The following HERC1 variants were observed in gnomAD, a reference collection of about 807,000 sequenced individuals.
HERC1 encodes the protein HECT and RLD domain containing E3 ubiquitin protein ligase family member 1.
HERC1 carries 160 observed loss-of-function variants against 554.3 expected under a neutral mutation model. The ratio of observed to expected loss-of-function variants is 0.29; its 90% CI spans 0.25 to 0.33. The LOEUF (loss-of-function observed/expected upper bound fraction) is 0.33. Among genes scored for constraint, HERC1 ranks in the 10% least tolerant of loss-of-function variants. The pLI, the probability that HERC1 is intolerant of heterozygous loss-of-function variation, is 1.00. For missense variants in HERC1, 4,919 were observed against 5,918.5 expected, an observed-to-expected ratio of 0.83 and a Z score of 5.54; for synonymous variants, 2,175 against 2,131.7, an observed-to-expected ratio of 1.02 and a Z score of -0.56.
chr15:63,793,269 G>A (rs978670860), intron 1 of HERC1, among the ~76,000 whole-genome samples: 1 of 152,154 alleles, frequency 6.6e-6, no homozygotes, highest in Non-Finnish European at 1.5e-5. Flanking sequence ...GACACAGGTC[G>A]TAAAGACCAC....
At chr15:63,668,060 T>C (rs1185301609) in intron 40 of HERC1, among the ~76,000 whole-genome samples, 4 of 152,070 alleles carry the variant, frequency 2.6e-5, no homozygotes, top group African/African-American at 9.7e-5. Flanking sequence ...GTATAGCTAA[T>C]AAGCCAACAA....
intron 67 of HERC1, 30 bp downstream of exon 67, chr15:63,633,818 C>A: frequency 6.2e-7 from 1 of 1,604,866 alleles, no homozygotes; most frequent in South Asian, 1.1e-5. Flanking sequence ...TTTATGTTGT[C>A]TGAAAACCTA....
intron 14 of HERC1, among the ~76,000 whole-genome samples, chr15:63,729,938 T>A (rs934679216): frequency 2.7e-5 from 4 of 148,110 alleles, no homozygotes; most frequent in African/African-American, 7.5e-5. Context: ...GGCAGGAGAA[T>A]TGCTTGAACC....
intron 2 of HERC1, among the ~76,000 whole-genome samples, chr15:63,772,724 C>T (rs1384999644): frequency 2.6e-5 from 4 of 152,122 alleles, no homozygotes; most frequent in Admixed American, 1.3e-4. Context: ...CTAATTATTA[C>T]ATCATTGCAT....
Position 63,740,103 on chromosome 15 carries a change from G to A in HERC1, c.2521-5254C>T, listed in dbSNP as rs202145791. Among the ~76,000 whole-genome samples, 6 of 152,056 alleles carry A rather than the reference G, an allele frequency of 3.9e-5. No homozygotes were observed. The East Asian group carries it at 1.2e-3, about 29-fold the overall frequency. On this transcript the variant is annotated intron_variant, in intron 12 of 77. Coordinates refer to ENST00000443617, the MANE Select transcript of HERC1 (RefSeq NM_003922.4). ...TTTTTGTATTTTTAGTAGAGACAGGGTTTCACCATTTGGCCAGGCTGGTCT... is the reference window on the plus strand; with the variant it reads ...TTTTTGTATTTTTAGTAGAGACAGGATTTCACCATTTGGCCAGGCTGGTCT...
intron 22 of HERC1, among the ~76,000 whole-genome samples, chr15:63,714,070 C>T (rs2073428655): frequency 6.6e-6 from 1 of 152,108 alleles, no homozygotes; most frequent in Non-Finnish European, 1.5e-5. Context: ...ACCCAGCAAT[C>T]TGTGTTTTAA....
chr15:63,658,777 A>C (rs917570761), intron 47 of HERC1, 59 bp from the exon 48 acceptor site: 1 of 1,351,694 alleles, frequency 7.4e-7, no homozygotes. Context: ...CATCTGAACT[A>C]CTAAAAACAT....
At chr15:63,665,896 A>C (rs758971797) in intron 42 of HERC1, 23 bp downstream of exon 42, 2 of 1,572,824 alleles carry the variant, frequency 1.3e-6, no homozygotes, top group South Asian at 2.2e-5. Flanking sequence ...CATGGAACAA[A>C]AGTACAGAAA....
In HERC1 at chr15:63,643,526, C is replaced by T; in HGVS notation, c.11209G>A (p.Ala3737Thr). The T allele has an allele frequency of 6.2e-7, 1 of 1,603,482 alleles. No homozygotes were observed. The highest frequency in any genetic ancestry group is 8.5e-7 in the Non-Finnish European group (1 of 1,174,362). Reference sequence around the variant, plus strand: ...CCCCGCAGCTGATAAACACACTTGGCTCCTGATGATTTCCTATATCCATCC... The same window carrying T: ...CCCCGCAGCTGATAAACACACTTGGTTCCTGATGATTTCCTATATCCATCC... ...CQDGYRKSSG[A>T]KCVYQLRGHI... Residue 3737 changes from alanine (A) to threonine (T), a missense_variant, in exon 58 of 78, where the codon GCC becomes ACC. Physicochemically the swap from Ala to Thr is moderately conservative, Grantham distance 58 (BLOSUM62 0). Around this residue, in one of 11 missense-constraint regions of HERC1, gnomAD observed 1,963 missense variants for 2,228.6 expected, o/e 0.88. Transcript: ENST00000443617.
chr15:63,615,501 T>C (rs1345521049), intron 76 of HERC1, among the ~76,000 whole-genome samples: 1 of 152,184 alleles, frequency 6.6e-6, no homozygotes, highest in African/African-American at 2.4e-5. Flanking sequence ...TCCCAGCTAC[T>C]GGGGAGGCTG....
At chr15:63,786,766 G>A (rs902656050) in intron 1 of HERC1, among the ~76,000 whole-genome samples, 3 of 152,152 alleles carry the variant, frequency 2.0e-5, no homozygotes, top group African/African-American at 7.2e-5. Flanking sequence ...AGGGAAAATG[G>A]AGAAACTGGT....
At chr15:63,655,499 A>C (rs1264716102) in intron 50 of HERC1, among the ~76,000 whole-genome samples, 1 of 141,300 alleles carries the variant, frequency 7.1e-6, no homozygotes, top group Non-Finnish European at 1.5e-5. Flanking sequence ...AAATTTTATT[A>C]AAGAAACCTA....
chr15:63,783,883 T>A (rs1053691278), intron 1 of HERC1, among the ~76,000 whole-genome samples: 1 of 151,934 alleles, frequency 6.6e-6, no homozygotes, highest in African/African-American at 2.4e-5. Context: ...CTGGCCAACA[T>A]GGTGAAACCC....
At position 63,830,534 on chromosome 15, in the gene HERC1, G is replaced by A. The variant is rs533045832; in HGVS notation, c.-27+3293C>T. ...GATTAGACCCTAGAACAAAAAAAAA[G>A]GCATTAATGGGGAAAAACCAGTGAA... On this transcript the variant is annotated intron_variant, in intron 1 of 77. Transcript: ENST00000443617. Among the ~76,000 whole-genome samples the A allele has an allele frequency of 1.2e-3, 183 of 152,176 alleles. 1 individual carries two copies. Among genetic ancestry groups the A allele is most frequent in the African/African-American group, 4.3e-3 (180 of 41,534 alleles).
chr15:63,821,315 G>A (rs992967167), intron 1 of HERC1, among the ~76,000 whole-genome samples: 7 of 151,972 alleles, frequency 4.6e-5, no homozygotes, highest in Non-Finnish European at 7.4e-5. Context: ...AGAACTTTAG[G>A]AGGCTGAGGC....
At chr15:63,788,010 G>C (rs2076513799) in intron 1 of HERC1, among the ~76,000 whole-genome samples, 1 of 145,300 alleles carries the variant, frequency 6.9e-6, no homozygotes, top group South Asian at 2.2e-4. Flanking sequence ...AACCTTACAA[G>C]CCAGTTTCAT....
Position 63,833,937 on chromosome 15 carries a change from A to C in HERC1, c.-137T>G, listed in dbSNP as rs1348911758. The C allele has an allele frequency of 6.5e-6, 1 of 152,838 alleles. No homozygotes were observed. The highest frequency in any genetic ancestry group is 1.9e-4 in the East Asian group (1 of 5,190). 9.5% of individuals were successfully genotyped at this position (152,838 alleles called of 1,614,324 possible). On this transcript the variant is annotated 5_prime_UTR_variant, in exon 1 of 78. Transcript: ENST00000443617. ...TTTGCTGCAGCAGCAGCGACTTGTC[A>C]AAGGGAAAGACGTAAGAGGCGGCGG...
At position 63,616,479 on chromosome 15, in the gene HERC1, C is replaced by A; in HGVS notation, c.13892G>T (p.Ser4631Ile). 6.2e-7 allele frequency: 1 copy of A among 1,613,958 alleles called. No individual in the cohort carries two copies. The highest frequency in any genetic ancestry group is 8.5e-7 in the Non-Finnish European group (1 of 1,179,864). ...VDLLYVQTLN[S>I]ILHIEDSGIT... ...CCCACTGTCTTCAATGTGAAGAATG[C>A]TGTTGAGAGTCTGCACGTAGAGCAG... Residue 4631 changes from serine (S) to isoleucine (I), a missense_variant, in exon 75 of 78, where the codon AGC (serine) becomes ATC (isoleucine). Physicochemically the swap from Ser to Ile is moderately radical, Grantham distance 142. This residue lies in a region of HERC1 where 284 missense variants were observed against 294.1 expected (regional missense o/e 0.97). Coordinates refer to ENST00000443617, the MANE Select transcript of HERC1 (RefSeq NM_003922.4).
chr15:63,697,783 C>T (rs902522051), intron 26 of HERC1, among the ~76,000 whole-genome samples: 3 of 152,118 alleles, frequency 2.0e-5, no homozygotes, highest in Non-Finnish European at 4.4e-5. Context: ...AAGGCAATAC[C>T]TGCCAGGTTT....
Sources: allele counts gnomAD v4.1 joint callset (sites outside exome capture counted in the v4.1 genomes callset), GRCh38; gene constraint gnomAD v4.1.1; regional missense constraint gnomAD v4.1.1; transcripts MANE v1.5; gene names NCBI Gene and HGNC (gene_info 2026-07-23, HGNC 2026-07-21).